YARS1: variants seen among roughly 807,000 people sequenced by gnomAD.
YARS1 encodes the protein tyrosyl-tRNA synthetase 1, also known as tyrosine--tRNA ligase, cytoplasmic.
YARS1 carries 36 observed loss-of-function variants against 62.2 expected under a neutral mutation model. The observed-to-expected ratio is 0.58, with a 90% CI of 0.44 to 0.76. The LOEUF (loss-of-function observed/expected upper bound fraction) is 0.76, where lower values mean the gene tolerates loss of function less well. Ranked by LOEUF, YARS1 falls within the 30% of genes least tolerant of loss-of-function variation. The pLI, the probability that YARS1 is intolerant of heterozygous loss-of-function variation, is 0.00. For missense variants in YARS1, 524 were observed against 639.8 expected, an observed-to-expected ratio of 0.82 and a Z score of 1.95; for synonymous variants, 234 against 244.9, an observed-to-expected ratio of 0.96 and a Z score of 0.42.
At chr1:32,799,833 C>T (rs1653719351) in intron 4 of YARS1, among the ~76,000 whole-genome samples, 2 of 152,016 alleles carry the variant, frequency 1.3e-5, no homozygotes, top group South Asian at 4.2e-4. Context: ...GATGGAGTCT[C>T]ACACACACAG....
intron 3 of YARS1, among the ~76,000 whole-genome samples, chr1:32,808,431 C>T (rs1638511748): frequency 1.3e-5 from 2 of 151,680 alleles, no homozygotes; most frequent in Admixed American, 1.3e-4. Flanking sequence ...GTTGGCCAGG[C>T]TGGTCTTGAA....
intron 6 of YARS1, chr1:32,790,772 G>C (rs531567866): frequency 2.4e-5 from 5 of 209,936 alleles, no homozygotes; most frequent in Non-Finnish European, 4.9e-5. Flanking sequence ...TCAAGTACAC[G>C]AGCTCAAGAG....
At chr1:32,806,080 G>T (rs1189775897) in intron 4 of YARS1, among the ~76,000 whole-genome samples, 2 of 152,170 alleles carry the variant, frequency 1.3e-5, no homozygotes, top group Non-Finnish European at 2.9e-5. Context: ...GAAATGAGGA[G>T]GCCAGGAGAG....
At chr1:32,801,360 T>G (rs1569755008) in intron 4 of YARS1, among the ~76,000 whole-genome samples, 1 of 152,344 alleles carries the variant, frequency 6.6e-6, no homozygotes, top group East Asian at 1.9e-4. Context: ...GTGGTTACAC[T>G]ATACCGTAGT....
In YARS1 at chr1:32,817,257, C is replaced by G; in HGVS notation, c.-13G>C. The G allele has an allele frequency of 6.2e-7, 1 of 1,613,922 alleles. No individual in the cohort carries two copies. Among genetic ancestry groups the G allele is most frequent in the Non-Finnish European group, 8.5e-7 (1 of 1,179,984 alleles). Reference sequence around the variant, plus strand: ...GAGCGTCCCCCATGGCTCCGCTACCCCTGCTTCCCCCGCTCAGCCCGGCAC... The same window carrying G: ...GAGCGTCCCCCATGGCTCCGCTACCGCTGCTTCCCCCGCTCAGCCCGGCAC... On this transcript the variant is annotated 5_prime_UTR_variant, in exon 1 of 13. Transcript: ENST00000373477.
intron 4 of YARS1, among the ~76,000 whole-genome samples, chr1:32,801,392 G>A (rs780193119): frequency 6.6e-6 from 1 of 152,078 alleles, no homozygotes; most frequent in East Asian, 1.9e-4. Flanking sequence ...GTGTAATAGC[G>A]TTACATCTAC....
chr1:32,811,414 A>G (rs1054988158), intron 1 of YARS1: 1 of 361,490 alleles, frequency 2.8e-6, no homozygotes, highest in Non-Finnish European at 5.4e-6. Context: ...CGCAGTTCCC[A>G]GGAATTTGCC....
chr1:32,793,605 T>C (rs1422971047), intron 5 of YARS1, among the ~76,000 whole-genome samples: 1 of 152,034 alleles, frequency 6.6e-6, no homozygotes, highest in East Asian at 1.9e-4. Flanking sequence ...GATCAATCAC[T>C]CCAGCCTGGG....
chr1:32,805,512 G>T (rs1016039458), intron 4 of YARS1, among the ~76,000 whole-genome samples: 1 of 152,048 alleles, frequency 6.6e-6, no homozygotes, highest in Non-Finnish European at 1.5e-5. Context: ...TATTTTTCAG[G>T]TGTTCACTGG....
chr1:32,805,726 C>G (rs1396416633), intron 4 of YARS1, among the ~76,000 whole-genome samples: 1 of 152,034 alleles, frequency 6.6e-6, no homozygotes, highest in Non-Finnish European at 1.5e-5. Flanking sequence ...CTGTGGGAGG[C>G]CAAGGTGGGT....
At chr1:32,806,024 T>C (rs1010781738) in intron 4 of YARS1, among the ~76,000 whole-genome samples, 9 of 152,134 alleles carry the variant, frequency 5.9e-5, no homozygotes, top group South Asian at 4.1e-4. Context: ...TTAGAGGCCA[T>C]TGTAGGGTTA....
In YARS1 at chr1:32,780,564, C is replaced by T. The variant is rs74067514; in HGVS notation, c.1141-286G>A. On this transcript the variant is annotated intron_variant, in intron 10 of 12. Transcript: ENST00000373477. Reference sequence around the variant, plus strand: ...CTGATGCAGGAGCACCAGCATTGATCTCAGGGTGGTTTTGGTGGTTGGGGT... The same window carrying T: ...CTGATGCAGGAGCACCAGCATTGATTTCAGGGTGGTTTTGGTGGTTGGGGT... 775 of 501,748 alleles carry T rather than the reference C, an allele frequency of 1.5e-3. 7 individuals are homozygous for T. The highest frequency in any genetic ancestry group is 0.013 in the African/African-American group (692 of 51,652). 31.1% of individuals were successfully genotyped at this position (501,748 alleles called of 1,614,324 possible).
intron 9 of YARS1, 91 bp from the exon 10 acceptor site, chr1:32,781,236 A>C: frequency 9.4e-7 from 1 of 1,060,962 alleles, no homozygotes; most frequent in South Asian, 1.3e-5. Flanking sequence ...AGATTAGGTA[A>C]GATTTAGTGT....
Position 32,776,839 on chromosome 1 carries a change from C to A in YARS1, c.1477-748G>T, listed in dbSNP as rs995563456. 6.6e-6 allele frequency among the ~76,000 whole-genome samples: 1 copy of A among 151,810 alleles called. No homozygotes were observed. The highest frequency in any genetic ancestry group is 2.4e-5 in the African/African-American group (1 of 41,382). On this transcript the variant is annotated intron_variant, in intron 12 of 12. Transcript: ENST00000373477. This position sits in a 1 kb window ranked among gnomAD's most constrained non-coding sequence, Gnocchi z 4.0. ...AAATTAGCCGGGTGTGGTGGTGGGGCGCCTGTAGTCCCAGCTACTCAGAAG... is the reference window on the plus strand; with the variant it reads ...AAATTAGCCGGGTGTGGTGGTGGGGAGCCTGTAGTCCCAGCTACTCAGAAG...
intron 8 of YARS1, among the ~76,000 whole-genome samples, chr1:32,785,235 G>T (rs945381718): frequency 6.6e-6 from 1 of 152,148 alleles, no homozygotes; most frequent in Non-Finnish European, 1.5e-5. Context: ...CGAGGCAGGC[G>T]GATCACCTGA....
intron 9 of YARS1, chr1:32,782,167 A>G: frequency 3.3e-6 from 2 of 604,608 alleles, no homozygotes; most frequent in Non-Finnish European, 5.7e-6. Context: ...CAAAGTATAC[A>G]TCTTACACCA....
At chr1:32,815,669 CAACA>C (rs1638696636) in intron 1 of YARS1, among the ~76,000 whole-genome samples, 1 of 152,194 alleles carries the variant, frequency 6.6e-6, no homozygotes, top group South Asian at 2.1e-4. Context: ...AAGTCAGACA[CAACA>C]AACATATTGT....
Position 32,781,166 on chromosome 1 carries a change from A to T in YARS1, c.1043-21T>A, listed in dbSNP as rs959389268. ...TGGCTCTGGGAATGAGAAGAACCCC[A>T]TGAGGTAGAATTCTTCCCTGTGGCA... On this transcript the variant is annotated intron_variant, in intron 9 of 12. Transcript: ENST00000373477. 1.9e-6 allele frequency: 3 copies of T among 1,598,888 alleles called. No homozygotes were observed. The Admixed American group carries it at 5.0e-5, about 27-fold the overall frequency.
chr1:32,814,382 C>G (rs960422100), intron 1 of YARS1, among the ~76,000 whole-genome samples: 1 of 152,114 alleles, frequency 6.6e-6, no homozygotes, highest in Non-Finnish European at 1.5e-5. Flanking sequence ...CTTACTCCCT[C>G]CAATCCAAGT....
Sources: gnomAD v4.1 joint callset for allele counts (sites outside exome capture counted in the v4.1 genomes callset) on GRCh38, gnomAD v4.1.1 for gene constraint, Gnocchi (gnomAD v3.1) non-coding constraint, MANE v1.5 for transcripts, NCBI Gene and HGNC (gene_info 2026-07-23, HGNC 2026-07-21) for gene names.